POM121C: variants seen among roughly 807,000 people sequenced by gnomAD.
POM121C encodes POM121 transmembrane nucleoporin C.
In POM121C, 20 loss-of-function variants were observed where a neutral mutation model predicts 66.4. The observed-to-expected ratio is 0.30, with a 90% CI of 0.21 to 0.44. POM121C has a LOEUF of 0.44. Among genes scored for constraint, POM121C ranks in the 20% least tolerant of loss-of-function variants. The pLI is 1.00. For synonymous variants in POM121C, 286 were observed against 528.0 expected (o/e 0.54, Z 6.28); for missense variants, 580 against 1,225.7 (o/e 0.47, Z 7.87).
At chr7:75,484,012 G>T (rs1434461378) in intron 1 of POM121C, among the ~76,000 whole-genome samples, 1 of 151,920 alleles carries the variant, frequency 6.6e-6, no homozygotes, top group Non-Finnish European at 1.5e-5. Context: ...TGAGGCAGGA[G>T]AATCACTTGA....
chr7:75,468,548 A>T lies in POM121C; in HGVS notation c.-152+6156T>A, dbSNP rs192463368. On this transcript the variant is annotated intron_variant, in intron 3 of 14. Coordinates refer to ENST00000615331, the MANE Select transcript of POM121C (RefSeq NM_001099415.3). ...TGGCCAGGCTGGGCTCACACTCCCA[A>T]CCTCAGGTGATCCACCCACCTTGGC... Among the ~76,000 whole-genome samples the T allele has an allele frequency of 5.9e-5, 9 of 151,956 alleles. No homozygotes were observed. The East Asian group carries it at 1.4e-3, about 23-fold the overall frequency.
chr7:75,448,039 A>G (rs78914663), intron 3 of POM121C, among the ~76,000 whole-genome samples: 1 of 150,404 alleles, frequency 6.6e-6, no homozygotes, highest in Non-Finnish European at 1.5e-5. Flanking sequence ...AAAAAAAAAA[A>G]CCAACCAAAC....
chr7:75,465,891 G>T (rs1791623020), intron 3 of POM121C, among the ~76,000 whole-genome samples: 1 of 66,826 alleles, frequency 1.5e-5, no homozygotes, highest in African/African-American at 8.3e-5. Flanking sequence ...GTGACACCCT[G>T]TCTCAAAAAA....
chr7:75,446,994 C>T (rs1469661254), intron 3 of POM121C, among the ~76,000 whole-genome samples: 13 of 98,598 alleles, frequency 1.3e-4, no homozygotes, highest in Non-Finnish European at 2.0e-4. Flanking sequence ...GGCAACAGAG[C>T]GAGACTCCGT....
At chr7:75,464,419 G>A (rs1246635980) in intron 3 of POM121C, among the ~76,000 whole-genome samples, 2 of 152,130 alleles carry the variant, frequency 1.3e-5, no homozygotes, top group African/African-American at 2.4e-5. Flanking sequence ...GCAACATGGC[G>A]AAACCCCCTC....
At chr7:75,479,775 C>G (rs2116547013) in intron 1 of POM121C, among the ~76,000 whole-genome samples, 1 of 152,162 alleles carries the variant, frequency 6.6e-6, no homozygotes, top group African/African-American at 2.4e-5. Flanking sequence ...GTAAGCTTCT[C>G]TTATTCTAGG....
At chr7:75,457,909 A>G (rs1374206578) in intron 3 of POM121C, among the ~76,000 whole-genome samples, 1 of 152,260 alleles carries the variant, frequency 6.6e-6, no homozygotes, top group Non-Finnish European at 1.5e-5. Flanking sequence ...AACAGGAGTG[A>G]AAGTTTATTA....
Position 75,439,261 on chromosome 7 carries a change from T to A in POM121C, c.228-37A>T, listed in dbSNP as rs782165459. On this transcript the variant is annotated intron_variant, in intron 5 of 14. Coordinates refer to ENST00000615331, the MANE Select transcript of POM121C (RefSeq NM_001099415.3). ...CAAAAAAGTCTCAAATGAAATGACA[T>A]GACTTTGTTTGTCCCTTTAAAGTGT... 4.5e-5 allele frequency: 72 copies of A among 1,612,388 alleles called. No individual in the cohort carries two copies. The Middle Eastern group carries it at 4.9e-4, about 11-fold the overall frequency.
chr7:75,479,655 A>ATATT (rs1563161047), intron 1 of POM121C, among the ~76,000 whole-genome samples: 1 of 146,012 alleles, frequency 6.8e-6, no homozygotes, highest in African/African-American at 2.5e-5. Flanking sequence ...AAATAAATAC[A>ATATT]GTTTAATTAA....
chr7:75,473,078 G>C (rs1425150762), intron 3 of POM121C, among the ~76,000 whole-genome samples: 4 of 152,210 alleles, frequency 2.6e-5, no homozygotes, highest in East Asian at 3.8e-4. Context: ...CAATCAAATA[G>C]TGGGAGGTGA....
At position 75,416,923 on chromosome 7, in the gene POM121C, C is replaced by T. The variant is rs2116304347; in HGVS notation, c.*1873G>A. 7.0e-7 allele frequency: 1 copy of T among 1,427,002 alleles called. No homozygotes were observed. Among genetic ancestry groups the T allele is most frequent in the African/African-American group, 1.4e-5 (1 of 69,620 alleles). The allele number at this position is 1,427,002 out of a possible 1,614,324, so 88.4% of individuals were successfully genotyped here. A position where few individuals can be genotyped will look rare whatever the true frequency, so the allele number is the denominator to read the frequency against. On this transcript the variant is annotated 3_prime_UTR_variant, in exon 15 of 15. Coordinates refer to ENST00000615331, the MANE Select transcript of POM121C (RefSeq NM_001099415.3). ...AAAGTCCCAGCCTCCCGCTGCCGTC[C>T]AGTGTGTGTACTGTACACATCCACA...
chr7:75,479,673 G>A (rs1446090040), intron 1 of POM121C, among the ~76,000 whole-genome samples: 22 of 150,088 alleles, frequency 1.5e-4, no homozygotes, highest in African/African-American at 2.5e-4. Context: ...TAACAACAAC[G>A]TAATAGATAG....
chr7:75,421,912 C>A lies in POM121C; in HGVS notation c.2340G>T (p.Thr780=). ...ATHSAFGLKA[T]ASAFGAPASS... is the part of the protein sequence containing the mutation. ...TGGCGGGAGCGCCGAAGGCGGAAGC[C>A]GTGGCTTTCAATCCAAACGCCGAGT... is the stretch of plus-strand genomic sequence containing the variant. The change falls in exon 13 of 15, where the codon ACG becomes ACT. Residue 780 remains threonine, a synonymous_variant. Transcript: ENST00000615331. The A allele has an allele frequency of 6.2e-7, 1 of 1,613,146 alleles. No homozygotes were observed. The highest frequency in any genetic ancestry group is 8.5e-7 in the Non-Finnish European group (1 of 1,179,726).
At chr7:75,433,829 G>A (rs1458972185) in intron 7 of POM121C, among the ~76,000 whole-genome samples, 1 of 152,082 alleles carries the variant, frequency 6.6e-6, no homozygotes, top group Non-Finnish European at 1.5e-5. Flanking sequence ...TATTCAACCA[G>A]CTCCCTGAAA....
At chr7:75,433,091 T>G (rs1166545601) in intron 7 of POM121C, among the ~76,000 whole-genome samples, 2 of 151,506 alleles carry the variant, frequency 1.3e-5, no homozygotes, top group Non-Finnish European at 2.9e-5. Flanking sequence ...AAAAATTAGC[T>G]GGGCGTGGTG....
intron 3 of POM121C, 75 bp from the exon 4 acceptor site, chr7:75,441,722 C>T (rs1390025533): frequency 3.4e-5 from 43 of 1,273,252 alleles, no homozygotes; most frequent in Non-Finnish European, 4.6e-5. Context: ...TAAAAACCCA[C>T]CAGTTAAGAC....
chr7:75,421,369 C>T lies in POM121C; in HGVS notation c.2743+140G>A, dbSNP rs1554470591. On this transcript the variant is annotated intron_variant, in intron 13 of 14. Coordinates refer to ENST00000615331, the MANE Select transcript of POM121C (RefSeq NM_001099415.3). Reference sequence around the variant, plus strand: ...ATTACTACGTTAGCAAAACATGTATCATGCCCTGGCATCTCACTGAGTTCT... The same window carrying T: ...ATTACTACGTTAGCAAAACATGTATTATGCCCTGGCATCTCACTGAGTTCT... The T allele has an allele frequency of 2.0e-6, 3 of 1,494,066 alleles. No homozygotes were observed. The African/African-American group carries it at 4.2e-5, about 21-fold the overall frequency. 92.6% of individuals were successfully genotyped at this position (1,494,066 alleles called of 1,614,324 possible). A position where few individuals can be genotyped will look rare whatever the true frequency, so the allele number is the denominator to read the frequency against.
In POM121C at chr7:75,418,456, C is replaced by T. The variant is rs1454406446; in HGVS notation, c.*340G>A. 2.6e-5 allele frequency: 27 copies of T among 1,056,240 alleles called. No individual in the cohort carries two copies. Among genetic ancestry groups the T allele is most frequent in the Admixed American group, 1.1e-4 (2 of 18,736 alleles). The allele number at this position is 1,056,240 out of a possible 1,614,324, so 65.4% of individuals were successfully genotyped here. A position where few individuals can be genotyped will look rare whatever the true frequency, so the allele number is the denominator to read the frequency against. ...TGCCCCCTCCAGCGACGACGGCTCT[C>T]GGGGAAAGGTGGAAGGGGCGCCTGC... On this transcript the variant is annotated 3_prime_UTR_variant, in exon 15 of 15. Transcript: ENST00000615331.
At position 75,486,215 on chromosome 7, in the gene POM121C, A is replaced by G; in HGVS notation, c.-809T>C. On this transcript the variant is annotated 5_prime_UTR_variant, in exon 1 of 15. Transcript: ENST00000615331. ...GGGCGGTCAGCATCCAGCCCCGCAG[A>G]CTCGGTGATTCTCGTCCACTAGAAG... The G allele has an allele frequency of 7.0e-6, 2 of 287,234 alleles. No individual in the cohort carries two copies. The highest frequency in any genetic ancestry group is 1.4e-5 in the Non-Finnish European group (2 of 147,538). The allele number at this position is 287,234 out of a possible 1,614,324, so 17.8% of individuals were successfully genotyped here.
Sources: gnomAD v4.1 joint callset for allele counts (sites outside exome capture counted in the v4.1 genomes callset) on GRCh38, gnomAD v4.1.1 for gene constraint, MANE v1.5 for transcripts, NCBI Gene and HGNC (gene_info 2026-07-23, HGNC 2026-07-21) for gene names.